Variants in PCDHGA9 observed in about 807,000 individuals in gnomAD.
PCDHGA9 encodes the protein protocadherin gamma subfamily A, 9.
PCDHGA9 carries 37 observed loss-of-function variants against 62.5 expected under a neutral mutation model. The observed-to-expected ratio is 0.59, with a 90% confidence interval of 0.46 to 0.78. PCDHGA9 has a LOEUF of 0.78. Among genes scored for constraint, PCDHGA9 ranks in the 30% least tolerant of loss-of-function variants. The pLI is 0.00. For missense variants in PCDHGA9, 1,138 were observed against 1,166.2 expected (o/e 0.98, Z 0.35); for synonymous variants, 459 against 484.6 (o/e 0.95, Z 0.69).
intron 3 of PCDHGA9, among the ~76,000 whole-genome samples, chr5:141,508,989 G>A (rs900798347): frequency 1.3e-5 from 2 of 152,110 alleles, no homozygotes; most frequent in Non-Finnish European, 2.9e-5. Flanking sequence ...GGGGCCAGCT[G>A]GGGTAGGAGA....
intron 1 of PCDHGA9, chr5:141,428,284 G>A (rs762469333): frequency 4.2e-5 from 31 of 734,822 alleles, no homozygotes. Flanking sequence ...TGATTCCCAA[G>A]CAAAGCTGCA....
intron 2 of PCDHGA9, among the ~76,000 whole-genome samples, chr5:141,495,678 C>T (rs1340336428): frequency 6.6e-6 from 1 of 152,180 alleles, no homozygotes; most frequent in African/African-American, 2.4e-5. Context: ...CTGTGCCTGC[C>T]ATGGCATAAG....
chr5:141,490,279 G>A lies in PCDHGA9; in HGVS notation c.2425-4528G>A, dbSNP rs1344083401. The A allele has an allele frequency of 5.6e-6, 9 of 1,614,228 alleles. No individual in the cohort carries two copies. In the East Asian group the frequency reaches 1.8e-4, roughly 32 times the overall value. On this transcript the variant is annotated intron_variant, in intron 1 of 3. Coordinates refer to ENST00000573521, the MANE Select transcript of PCDHGA9 (RefSeq NM_018921.3). This position sits in a 1 kb window ranked among gnomAD's most constrained non-coding sequence, Gnocchi z 5.4. ...GGATGTGGGGGATGTCAATGACAAT[G>A]CCCCAGAGGTGCTATTGGCCTCTTT...
intron 1 of PCDHGA9, among the ~76,000 whole-genome samples, chr5:141,444,497 C>G (rs899746599): frequency 3.3e-5 from 5 of 152,026 alleles, no homozygotes; most frequent in African/African-American, 1.2e-4. Context: ...TTGTGTAATA[C>G]TTTGCTCTAG....
intron 1 of PCDHGA9, among the ~76,000 whole-genome samples, chr5:141,448,604 A>G (rs954578256): frequency 1.3e-5 from 2 of 152,118 alleles, no homozygotes; most frequent in Non-Finnish European, 2.9e-5. Flanking sequence ...AATACTATAC[A>G]CCACTTTATA....
chr5:141,440,902 G>C (rs138147244), intron 1 of PCDHGA9: 1 of 152,110 alleles, frequency 6.6e-6, no homozygotes, highest in Admixed American at 6.6e-5. Context: ...ATGTGCATCC[G>C]GGCACTCCTG....
At chr5:141,408,156 T>G (rs1270401832) in intron 1 of PCDHGA9, 2 of 1,512,436 alleles carry the variant, frequency 1.3e-6, no homozygotes, top group East Asian at 2.5e-5. Flanking sequence ...TAGAGTGCAC[T>G]TTCTCCAACT....
At position 141,408,387 on chromosome 5, in the gene PCDHGA9, C is replaced by T. The variant is rs774250271; in HGVS notation, c.2424+3011C>T. Reference sequence around the variant, plus strand: ...CTAGGGCTCAGTGTCCTGGATGTGTCGGCTCGCAAGCTGCGAGTGAGCGCG... The same window carrying T: ...CTAGGGCTCAGTGTCCTGGATGTGTTGGCTCGCAAGCTGCGAGTGAGCGCG... On this transcript the variant is annotated intron_variant, in intron 1 of 3. Transcript: ENST00000573521. 1.2e-5 allele frequency: 20 copies of T among 1,613,890 alleles called. No homozygotes were observed. Among genetic ancestry groups the T allele is most frequent in the Non-Finnish European group, 1.6e-5 (19 of 1,179,880 alleles).
chr5:141,435,254 G>C (rs1220755047), intron 1 of PCDHGA9, among the ~76,000 whole-genome samples: 1 of 152,018 alleles, frequency 6.6e-6, no homozygotes, highest in African/African-American at 2.4e-5. Flanking sequence ...GGCCATTAGG[G>C]ATATGTCCAT....
chr5:141,421,342 G>A (rs199737254), intron 1 of PCDHGA9: 25 of 1,613,872 alleles, frequency 1.5e-5, no homozygotes, highest in Non-Finnish European at 1.9e-5. Context: ...GGTGCCAGAA[G>A]AGACCGAAAA....
rs2099883775 is a variant in PCDHGA9 at position 141,511,415 on chromosome 5, A to G, written c.*242A>G. On this transcript the variant is annotated 3_prime_UTR_variant, in exon 4 of 4. Transcript: ENST00000573521. ...CCCCATCCAATCAACTGCTGTACCC[A>G]TGGGGGTAGTGGGGTTACTGTAGAC... 1.2e-6 allele frequency: 1 copy of G among 868,992 alleles called. No individual in the cohort carries two copies. The highest frequency in any genetic ancestry group is 2.9e-5 in the East Asian group (1 of 34,592). The allele number at this position is 868,992 out of a possible 1,614,324, so 53.8% of individuals were successfully genotyped here.
rs564582881 is a variant in PCDHGA9, at chr5:141,432,735, C to T, written c.2424+27359C>T. ...CAGCCCCCTCTCTCCGCCACTGTCA[C>T]GCTCACCGTGGCCGTGGCCGACAGC... On this transcript the variant is annotated intron_variant, in intron 1 of 3. Coordinates refer to ENST00000573521, the MANE Select transcript of PCDHGA9 (RefSeq NM_018921.3). This position sits in a 1 kb window ranked among gnomAD's most constrained non-coding sequence, Gnocchi z 6.0. 2 of 1,614,094 alleles carry T rather than the reference C, an allele frequency of 1.2e-6. No individual in the cohort carries two copies. The highest frequency in any genetic ancestry group is 1.1e-5 in the South Asian group (1 of 91,086).
At chr5:141,415,754 T>TTTG (rs2095935149) in intron 1 of PCDHGA9, 3 of 1,385,710 alleles carry the variant, frequency 2.2e-6, no homozygotes, top group African/African-American at 1.5e-5. Context: ...TTTTTTTTTT[T>TTTG]TTTTTTTTTT....
At position 141,489,369 on chromosome 5, in the gene PCDHGA9, G is replaced by T; in HGVS notation, c.2425-5438G>T. ...TGGTGGAGGAGTCTGAGCCGGGGAC[G>T]CTGGTGGGGAATGTTGCTCAGGATC... On this transcript the variant is annotated intron_variant, in intron 1 of 3. Coordinates refer to ENST00000573521, the MANE Select transcript of PCDHGA9 (RefSeq NM_018921.3). This position sits in a 1 kb window ranked among gnomAD's most constrained non-coding sequence, Gnocchi z 4.5. 6.2e-7 allele frequency: 1 copy of T among 1,613,592 alleles called. No homozygotes were observed.
rs549455612 is a variant in PCDHGA9 at position 141,415,049 on chromosome 5, A to T, written c.2424+9673A>T. On this transcript the variant is annotated intron_variant, in intron 1 of 3. Transcript: ENST00000573521. Reference sequence around the variant, plus strand: ...GAGCCGGGACTCTTCGCGGTGGGGGAGCACACGGGCGAGGTGCGCACGGCG... The same window carrying T: ...GAGCCGGGACTCTTCGCGGTGGGGGTGCACACGGGCGAGGTGCGCACGGCG... 84 of 1,613,216 alleles carry T rather than the reference A, an allele frequency of 5.2e-5. 1 individual carries two copies. In the Admixed American group the frequency reaches 6.0e-4, roughly 12 times the overall value.
intron 1 of PCDHGA9, chr5:141,441,396 C>T (rs2098244328): frequency 6.5e-6 from 1 of 154,724 alleles, no homozygotes; most frequent in Admixed American, 6.5e-5. Flanking sequence ...GGTATAACAT[C>T]AGCATCACTG....
intron 1 of PCDHGA9, among the ~76,000 whole-genome samples, chr5:141,450,826 A>ATT (rs764729742): frequency 0.025 from 3,390 of 134,266 alleles, 60 homozygotes; most frequent in Middle Eastern, 0.057. Flanking sequence ...TATTATTATT[A>ATT]TTATTTTTTT....
chr5:141,457,902 G>A (rs1219261409), intron 1 of PCDHGA9, among the ~76,000 whole-genome samples: 1 of 150,854 alleles, frequency 6.6e-6, no homozygotes, highest in Non-Finnish European at 1.5e-5. Flanking sequence ...GTGTAGACAA[G>A]GTGTGAGGCC....
rs560197175 is a variant in PCDHGA9, at chr5:141,434,430, G to A, written c.2424+29054G>A. Among the ~76,000 whole-genome samples the A allele has an allele frequency of 2.4e-4, 36 of 152,326 alleles. 1 individual carries two copies. In the South Asian group the frequency reaches 6.4e-3, roughly 27 times the overall value. On this transcript the variant is annotated intron_variant, in intron 1 of 3. Coordinates refer to ENST00000573521, the MANE Select transcript of PCDHGA9 (RefSeq NM_018921.3). ...GCACTGTGACATGTTCATGATGGCC[G>A]TAATGCCCATGCTGGAAGGTAGTGG...
Sources: gnomAD v4.1 joint callset for allele counts (sites outside exome capture counted in the v4.1 genomes callset) on GRCh38, gnomAD v4.1.1 for gene constraint, Gnocchi (gnomAD v3.1) non-coding constraint, MANE v1.5 for transcripts, NCBI Gene and HGNC (gene_info 2026-07-23, HGNC 2026-07-21) for gene names.